Variants in NT5DC3 observed in about 807,000 individuals in gnomAD.
The protein encoded by NT5DC3 is 5'-nucleotidase domain containing 3.
A neutral mutation model predicts 67.8 loss-of-function variants in NT5DC3; 42 were observed. The observed-to-expected ratio is 0.62, with a 90% CI of 0.48 to 0.80. The LOEUF (loss-of-function observed/expected upper bound fraction) is 0.80, where lower values mean the gene tolerates loss of function less well. NT5DC3 is among the 30% of genes least tolerant of loss of function. The pLI is 0.00. For missense variants in NT5DC3, 570 were observed against 696.4 expected (o/e 0.82, Z 2.04); for synonymous variants, 237 against 255.6 (o/e 0.93, Z 0.69).
intron 1 of NT5DC3, among the ~76,000 whole-genome samples, chr12:103,833,770 C>T (rs1045247053): frequency 6.6e-6 from 1 of 151,640 alleles, no homozygotes; most frequent in African/African-American, 2.4e-5. Flanking sequence ...TGGAGCAACC[C>T]GTCTTGGAGG....
At chr12:103,832,997 C>T (rs1038676844) in intron 1 of NT5DC3, among the ~76,000 whole-genome samples, 1 of 152,208 alleles carries the variant, frequency 6.6e-6, no homozygotes, top group Non-Finnish European at 1.5e-5. Flanking sequence ...GACTCCATTA[C>T]TCTATATCCC....
Position 103,780,443 on chromosome 12 carries a change from A to G in NT5DC3, c.1330-79T>C, listed in dbSNP as rs1885504652. 5.3e-6 allele frequency: 7 copies of G among 1,326,680 alleles called. No individual in the cohort carries two copies. In the Admixed American group the frequency reaches 1.0e-4, roughly 20 times the overall value. The allele number at this position is 1,326,680 out of a possible 1,614,324, so 82.2% of individuals were successfully genotyped here. A position where few individuals can be genotyped will look rare whatever the true frequency, so the allele number is the denominator to read the frequency against. ...ACGTAATGAGAATTTTTTAATGAGC[A>G]GTTTTTCTAGGAGAAATTTTATTCC... is the stretch of plus-strand genomic sequence containing the variant. On this transcript the variant is annotated intron_variant, in intron 12 of 13. Transcript: ENST00000392876.
chr12:103,759,387 T>G, the NT5DC3 span: 66 of 1,420,478 alleles, frequency 4.6e-5, no homozygotes, highest in Non-Finnish European at 5.9e-5. Context: ...ACTCTAAACC[T>G]GCAGATAGGG....
At chr12:103,757,067 A>T in the NT5DC3 span, among the ~76,000 whole-genome samples, 3 of 147,326 alleles carry the variant, frequency 2.0e-5, no homozygotes, top group Admixed American at 6.8e-5. Flanking sequence ...TATATATTTT[A>T]AAAATTATAT....
the NT5DC3 span, among the ~76,000 whole-genome samples, chr12:103,749,454 A>G: frequency 4.6e-5 from 7 of 152,134 alleles, no homozygotes; most frequent in Non-Finnish European, 1.0e-4. Context: ...CATCAGGGGA[A>G]AGTGGGTAGA....
chr12:103,807,433 C>G (rs1886850504), intron 2 of NT5DC3, among the ~76,000 whole-genome samples: 1 of 152,184 alleles, frequency 6.6e-6, no homozygotes. Context: ...CCTGGACGGC[C>G]CCATTACCAG....
chr12:103,755,368 G>A, the NT5DC3 span: 60 of 1,614,092 alleles, frequency 3.7e-5, no homozygotes, highest in Admixed American at 4.3e-4. Context: ...CACAGCCTTC[G>A]CCTCCCAGAA....
chr12:103,830,438 T>G (rs1310187900), intron 1 of NT5DC3, among the ~76,000 whole-genome samples: 3 of 152,358 alleles, frequency 2.0e-5, no homozygotes, highest in African/African-American at 7.2e-5. Flanking sequence ...TGGAAAACTC[T>G]GAGCAATTTT....
intron 9 of NT5DC3, among the ~76,000 whole-genome samples, chr12:103,790,087 C>A (rs1031415149): frequency 7.4e-5 from 11 of 149,646 alleles, no homozygotes; most frequent in African/African-American, 2.2e-4. Context: ...ACAACATCAT[C>A]TTTTTTTTTT....
At chr12:103,751,416 G>C in the NT5DC3 span, among the ~76,000 whole-genome samples, 1 of 152,178 alleles carries the variant, frequency 6.6e-6, no homozygotes, top group Non-Finnish European at 1.5e-5. Context: ...AATGGACACA[G>C]AATAGAGAAA....
chr12:103,840,377 GCTCAT>G (rs10552367), intron 1 of NT5DC3, among the ~76,000 whole-genome samples: 30,626 of 115,084 alleles, frequency 0.27, 4,175 homozygotes, highest in Non-Finnish European at 0.3. Context: ...ACACCGCACA[GCTCAT>G]CTCATCTCAT....
At chr12:103,802,058 C>T (rs527893088) in intron 4 of NT5DC3, 1 of 152,442 alleles carries the variant, frequency 6.6e-6, no homozygotes, top group East Asian at 1.9e-4. Flanking sequence ...AGTCCACACA[C>T]TCCCTCCAGA....
At chr12:103,808,883 T>C (rs989791127) in intron 2 of NT5DC3, among the ~76,000 whole-genome samples, 4 of 152,362 alleles carry the variant, frequency 2.6e-5, no homozygotes, top group Admixed American at 2.0e-4. Context: ...TCACTGAGCA[T>C]ATGCTATGTG....
intron 1 of NT5DC3, among the ~76,000 whole-genome samples, chr12:103,827,783 T>C (rs1359132891): frequency 1.3e-5 from 2 of 152,180 alleles, no homozygotes; most frequent in Non-Finnish European, 2.9e-5. Flanking sequence ...AGATATAACA[T>C]GTAGTATTTG....
chr12:103,757,415 T>C, the NT5DC3 span, among the ~76,000 whole-genome samples: 1 of 152,206 alleles, frequency 6.6e-6, no homozygotes, highest in Admixed American at 6.5e-5. Context: ...GCACTTACCA[T>C]GTGCTTGAGA....
intron 1 of NT5DC3, among the ~76,000 whole-genome samples, chr12:103,816,256 C>T (rs189770710): frequency 1.6e-3 from 243 of 152,288 alleles, no homozygotes; most frequent in African/African-American, 5.7e-3. Context: ...AATCGTGGCT[C>T]CCTAATCAAA....
intron 1 of NT5DC3, among the ~76,000 whole-genome samples, chr12:103,818,948 C>T (rs1052446931): frequency 6.6e-6 from 1 of 152,226 alleles, no homozygotes; most frequent in Non-Finnish European, 1.5e-5. Flanking sequence ...AAAAGCTCCA[C>T]TTTCACAAAT....
chr12:103,790,866 T>C (rs11111776), intron 9 of NT5DC3, among the ~76,000 whole-genome samples: 43,472 of 151,242 alleles, frequency 0.29, 6,736 homozygotes, highest in East Asian at 0.61. Context: ...ATTTTTTGTA[T>C]TTTTAGTAGA....
At chr12:103,815,291 C>A (rs564675033) in intron 1 of NT5DC3, among the ~76,000 whole-genome samples, 170 bp from the exon 2 acceptor site, 14 of 152,270 alleles carry the variant, frequency 9.2e-5, no homozygotes, top group Middle Eastern at 3.4e-3. Flanking sequence ...TGATCCTATT[C>A]ATATGAAATG....
Sources: gnomAD v4.1 joint callset for allele counts (sites outside exome capture counted in the v4.1 genomes callset) on GRCh38, gnomAD v4.1.1 for gene constraint, MANE v1.5 for transcripts, NCBI Gene and HGNC (gene_info 2026-07-23, HGNC 2026-07-21) for gene names.